PRELID2: variants seen among roughly 807,000 people sequenced by gnomAD.
The protein encoded by PRELID2 is PRELI domain containing 2, also known as PRELI domain-containing protein 2.
A neutral mutation model predicts 28.4 loss-of-function variants in PRELID2; 25 were observed. That is an observed-to-expected ratio of 0.88 (90% CI 0.64 to 1.23). PRELID2 has a LOEUF of 1.23. Among genes scored for constraint, PRELID2 ranks in the 50% most tolerant of loss-of-function variants. The pLI is 0.00. For synonymous variants in PRELID2, 76 were observed against 71.6 expected (o/e 1.06, Z -0.31); for missense variants, 201 against 214.4 (o/e 0.94, Z 0.39).
the PRELID2 span, among the ~76,000 whole-genome samples, chr5:145,319,710 A>C: frequency 0.046 from 3,183 of 68,812 alleles, 59 homozygotes; most frequent in South Asian, 0.12. Context: ...TAAATAAATA[A>C]ATAAATAAAT....
chr5:145,462,495 T>C, the PRELID2 span, among the ~76,000 whole-genome samples: 1 of 152,248 alleles, frequency 6.6e-6, no homozygotes, highest in Non-Finnish European at 1.5e-5. Flanking sequence ...AAAAATTGCA[T>C]GAATTCAGAA....
chr5:145,356,172 G>C, the PRELID2 span, among the ~76,000 whole-genome samples: 236 of 152,120 alleles, frequency 1.6e-3, 4 homozygotes, highest in East Asian at 0.039. Flanking sequence ...TAACACATTT[G>C]AATTTAAGAA....
chr5:145,298,805 A>G, the PRELID2 span, among the ~76,000 whole-genome samples: 1 of 152,182 alleles, frequency 6.6e-6, no homozygotes, highest in African/African-American at 2.4e-5. Context: ...TACATAGTAT[A>G]GTATACATTT....
At chr5:145,427,895 C>T in the PRELID2 span, among the ~76,000 whole-genome samples, 1 of 152,114 alleles carries the variant, frequency 6.6e-6, no homozygotes, top group Non-Finnish European at 1.5e-5. Flanking sequence ...ATTGGAAGGG[C>T]AATAGTGATA....
At chr5:145,798,771 A>G (rs1897546) in intron 4 of PRELID2, among the ~76,000 whole-genome samples, 8,016 of 152,146 alleles carry the variant, frequency 0.053, 668 homozygotes, top group African/African-American at 0.18. Flanking sequence ...ACTATCATAA[A>G]GACAGAAAAC....
the PRELID2 span, among the ~76,000 whole-genome samples, chr5:145,234,677 T>G: frequency 2.6e-5 from 4 of 152,206 alleles, no homozygotes; most frequent in Admixed American, 6.5e-5. Context: ...TTATGCCATC[T>G]ATTCCATGAA....
intron 1 of PRELID2, among the ~76,000 whole-genome samples, chr5:145,693,952 G>A (rs79702892): frequency 5.3e-5 from 8 of 152,230 alleles, no homozygotes; most frequent in Middle Eastern, 3.4e-3. Flanking sequence ...CAAAAATCAT[G>A]ATTATGAGCA....
chr5:145,335,337 A>T, the PRELID2 span, among the ~76,000 whole-genome samples: 37,899 of 151,672 alleles, frequency 0.25, 5,067 homozygotes, highest in African/African-American at 0.35. Flanking sequence ...ATCTCTTTGT[A>T]TAACTTCTAA....
chr5:145,426,992 G>C, the PRELID2 span, among the ~76,000 whole-genome samples: 1 of 152,190 alleles, frequency 6.6e-6, no homozygotes, highest in Non-Finnish European at 1.5e-5. Flanking sequence ...AAATCTCTGA[G>C]TAACTGAATT....
chr5:145,758,160 T>C lies in PRELID2; in HGVS notation c.*2376A>G, dbSNP rs1316462735. Among the ~76,000 whole-genome samples, 2 of 151,982 alleles carry C rather than the reference T, an allele frequency of 1.3e-5. No homozygotes were observed. Among genetic ancestry groups the C allele is most frequent in the Admixed American group, 6.5e-5 (1 of 15,274 alleles). Reference sequence around the variant, plus strand: ...TCTGAATTGGTTGCCAATAAAAAACTAGGAGATTTTTTTTTTAATTCTGTC... The same window carrying C: ...TCTGAATTGGTTGCCAATAAAAAACCAGGAGATTTTTTTTTTAATTCTGTC... On this transcript the variant is annotated 3_prime_UTR_variant, in exon 7 of 7. Transcript: ENST00000683046.
At chr5:145,609,555 G>C (rs1753576673) in intron 1 of PRELID2, among the ~76,000 whole-genome samples, 1 of 152,236 alleles carries the variant, frequency 6.6e-6, no homozygotes. Context: ...CTTCCTGGGA[G>C]AAGATGGGGT....
At chr5:145,803,394 C>T (rs923996871) in intron 4 of PRELID2, among the ~76,000 whole-genome samples, 101 of 94,548 alleles carry the variant, frequency 1.1e-3, no homozygotes, top group Admixed American at 1.8e-3. Flanking sequence ...TGTATTTATA[C>T]GTGTAAAATC....
At chr5:145,480,497 T>C in intron 1 of PRELID2, among the ~76,000 whole-genome samples, 1 of 152,182 alleles carries the variant, frequency 6.6e-6, no homozygotes, top group East Asian at 1.9e-4. Context: ...GAATCCACTG[T>C]AAATAAAATA....
At chr5:145,676,538 C>CAAA (rs1365343728) in intron 1 of PRELID2, among the ~76,000 whole-genome samples, 2 of 152,258 alleles carry the variant, frequency 1.3e-5, no homozygotes, top group Non-Finnish European at 2.9e-5. Flanking sequence ...GACTCTGTCT[C>CAAA]AAAACAACAA....
rs1554100260 is a variant in PRELID2, at chr5:145,821,152, G to GGTGGGTGTGTGTGTGTGTGTGTGT, written c.134-1135_134-1134insACACACACACACACACACACCCAC. ...ACCTGATGGTCATCCAACTCTCCTG[G>GGTGGGTGTGTGTGTGTGTGTGTGT]GTGTGTGTGTGTGTGTGTGTGTGTG... is the stretch of plus-strand genomic sequence containing the variant. On this transcript the variant is annotated intron_variant, in intron 2 of 6. Coordinates refer to ENST00000683046, the MANE Select transcript of PRELID2 (RefSeq NM_205846.3). Among the ~76,000 whole-genome samples the GGTGGGTGTGTGTGTGTGTGTGTGT allele has an allele frequency of 3.6e-4, 32 of 88,264 alleles. 2 individuals are homozygous for GGTGGGTGTGTGTGTGTGTGTGTGT. The highest frequency in any genetic ancestry group is 1.1e-3 in the African/African-American group (28 of 25,030). The allele number at this position is 88,264 out of a possible 152,430, so 57.9% of individuals were successfully genotyped here. A position where few individuals can be genotyped will look rare whatever the true frequency, so the allele number is the denominator to read the frequency against.
intron 1 of PRELID2, among the ~76,000 whole-genome samples, chr5:145,655,120 G>A (rs1754370569): frequency 6.6e-6 from 1 of 151,556 alleles, no homozygotes; most frequent in Non-Finnish European, 1.5e-5. Flanking sequence ...CAAACAGAGA[G>A]CCAAATCATG....
chr5:145,435,810 A>G, the PRELID2 span, among the ~76,000 whole-genome samples: 8 of 152,170 alleles, frequency 5.3e-5, no homozygotes, highest in African/African-American at 1.9e-4. Flanking sequence ...TTTTGAAATC[A>G]GGTCTTGGTT....
chr5:145,541,921 G>A (rs1470641069), intron 1 of PRELID2, among the ~76,000 whole-genome samples: 1 of 152,022 alleles, frequency 6.6e-6, no homozygotes, highest in Non-Finnish European at 1.5e-5. Context: ...GTAAATATAT[G>A]TAAGTAGAAC....
intron 1 of PRELID2, among the ~76,000 whole-genome samples, chr5:145,522,333 C>T (rs1218712068): frequency 6.6e-6 from 1 of 152,064 alleles, no homozygotes; most frequent in East Asian, 1.9e-4. Flanking sequence ...AAATGTCATA[C>T]TACATGTAGC....
Sources: allele counts gnomAD v4.1 joint callset (sites outside exome capture counted in the v4.1 genomes callset), GRCh38; gene constraint gnomAD v4.1.1; transcripts MANE v1.5; gene names NCBI Gene and HGNC (gene_info 2026-07-23, HGNC 2026-07-21).